Variants in HEY2 observed in about 807,000 individuals in gnomAD.
The protein encoded by HEY2 is hes related family bHLH transcription factor with YRPW motif 2.
HEY2 carries 10 observed loss-of-function variants against 18.1 expected under a neutral mutation model. The ratio of observed to expected loss-of-function variants is 0.55; its 90% CI spans 0.34 to 0.94. HEY2 has a LOEUF of 0.94. Among genes scored for constraint, HEY2 ranks in the 40% least tolerant of loss-of-function variants. HEY2 has a pLI of 0.02. For synonymous variants in HEY2, 210 were observed against 182.7 expected (o/e 1.15, Z -1.21); for missense variants, 455 against 455.9 (o/e 1.00, Z 0.02).
Position 125,750,002 on chromosome 6 carries a change from G to C in HEY2, c.83+143G>C, listed in dbSNP as rs1773508184. 10 of 786,732 alleles carry C rather than the reference G, an allele frequency of 1.3e-5. No individual in the cohort carries two copies. In the South Asian group the frequency reaches 1.5e-4, roughly 12 times the overall value. The allele number at this position is 786,732 out of a possible 1,614,324, so 48.7% of individuals were successfully genotyped here. On this transcript the variant is annotated intron_variant, in intron 1 of 4. Transcript: ENST00000368364. ...AGTTTGGCCTGAGAAAGTTTGAGTG[G>C]TGGGCGCTCGCAGAGCGTGAGTTGG...
intron 4 of HEY2, 118 bp downstream of exon 4, chr6:125,754,664 A>G: frequency 2.1e-6 from 1 of 483,152 alleles, no homozygotes. Context: ...AAGCTGAGAT[A>G]GGAGGCCCCA....
At chr6:125,751,620 A>AAG (rs1773544235) in intron 1 of HEY2, among the ~76,000 whole-genome samples, 181 bp from the exon 2 acceptor site, 1 of 152,228 alleles carries the variant, frequency 6.6e-6, no homozygotes, top group African/African-American at 2.4e-5. Context: ...CGTAATTTTT[A>AAG]CCTGAAAAGA....
At chr6:125,753,793 T>C (rs1773597598) in intron 3 of HEY2, among the ~76,000 whole-genome samples, 1 of 152,206 alleles carries the variant, frequency 6.6e-6, no homozygotes, top group Non-Finnish European at 1.5e-5. Context: ...GCTTCCTAGG[T>C]AAGCAGTAAA....
rs1255802537 is a variant in HEY2, at chr6:125,751,760, T to A, written c.84-41T>A. On this transcript the variant is annotated intron_variant, in intron 1 of 4. Coordinates refer to ENST00000368364, the MANE Select transcript of HEY2 (RefSeq NM_012259.3). ...ACAAGTACCCAGAAGAAACTATTGT[T>A]ATGTTAATGCAGCACCTGACATACT... 30 of 1,325,280 alleles carry A rather than the reference T, an allele frequency of 2.3e-5. No homozygotes were observed. In the East Asian group the frequency reaches 6.9e-4, roughly 30 times the overall value. The allele number at this position is 1,325,280 out of a possible 1,614,324, so 82.1% of individuals were successfully genotyped here. A position where few individuals can be genotyped will look rare whatever the true frequency, so the allele number is the denominator to read the frequency against.
At chr6:125,756,493 G>C (rs1204609396) in intron 4 of HEY2, among the ~76,000 whole-genome samples, 2 of 152,110 alleles carry the variant, frequency 1.3e-5, no homozygotes, top group Admixed American at 6.6e-5. Flanking sequence ...CTTGAACCCG[G>C]GAGGCAGAGG....
chr6:125,757,498 C>A (rs1773686309), intron 4 of HEY2, among the ~76,000 whole-genome samples: 2 of 152,126 alleles, frequency 1.3e-5, no homozygotes, highest in South Asian at 4.1e-4. Context: ...TTGGGAACTT[C>A]CAAATCGTTG....
Position 125,756,017 on chromosome 6 carries a change from A to G in HEY2, c.328+1471A>G, listed in dbSNP as rs1224551600. On this transcript the variant is annotated intron_variant, in intron 4 of 4. Coordinates refer to ENST00000368364, the MANE Select transcript of HEY2 (RefSeq NM_012259.3). ...GTTTGATTGCTTTACTTCCCTTAGC[A>G]TTGTTAGCCACAAGGCTAAGTTTTC... Among the ~76,000 whole-genome samples, 6 of 152,318 alleles carry G rather than the reference A, an allele frequency of 3.9e-5. No homozygotes were observed. The East Asian group carries it at 9.6e-4, about 24-fold the overall frequency.
intron 1 of HEY2, chr6:125,750,205 G>C: frequency 1.0e-6 from 1 of 973,710 alleles, no homozygotes; most frequent in Non-Finnish European, 1.2e-6. Flanking sequence ...GTATTTGGGG[G>C]CACTTTCAAA....
At position 125,754,488 on chromosome 6, in the gene HEY2, T is replaced by C; in HGVS notation, c.270T>C (p.Ala90=). 1 of 1,600,906 alleles carries C rather than the reference T, an allele frequency of 6.2e-7. No homozygotes were observed. The highest frequency in any genetic ancestry group is 8.5e-7 in the Non-Finnish European group (1 of 1,172,352). The change falls in exon 4 of 5, where the codon GCT becomes GCC. Residue 90 remains alanine, a synonymous_variant. Coordinates refer to ENST00000368364, the MANE Select transcript of HEY2 (RefSeq NM_012259.3). ...EKQGSAKLEK[A]EILQMTVDHL... Reference sequence around the variant, plus strand: ...AGGGATCTGCAAAGTTAGAAAAAGCTGAAATATTGCAAATGACAGTGGATC... The same window carrying C: ...AGGGATCTGCAAAGTTAGAAAAAGCCGAAATATTGCAAATGACAGTGGATC...
chr6:125,752,113 TC>T, intron 3 of HEY2, 23 bp downstream of exon 3: 4 of 1,258,312 alleles, frequency 3.2e-6, no homozygotes, highest in Non-Finnish European at 4.2e-6. Flanking sequence ...CTCCCCAGAA[TC>T]CCCCCACCCA....
chr6:125,752,081 T>C lies in HEY2; in HGVS notation c.237T>C (p.Phe79=). 1 of 1,612,058 alleles carries C rather than the reference T, an allele frequency of 6.2e-7. No homozygotes were observed. The highest frequency in any genetic ancestry group is 1.1e-5 in the South Asian group (1 of 91,020). The part of the protein sequence containing the change: ...SELRRLVPTA[F]EKQGSAKLEK... ...TGAGAAGACTTGTGCCAACTGCTTT[T>C]GAAAAACAAGTAAGCTATCCCCTCC... Residue 79 remains phenylalanine (F), a synonymous_variant, in exon 3 of 5, where the codon TTT becomes TTC. Transcript: ENST00000368364.
Position 125,759,646 on chromosome 6 carries a change from C to A in HEY2, c.858C>A (p.Phe286Leu), listed in dbSNP as rs755340292. 6.2e-7 allele frequency: 1 copy of A among 1,611,262 alleles called. No homozygotes were observed. Among genetic ancestry groups the A allele is most frequent in the Non-Finnish European group, 8.5e-7 (1 of 1,179,968 alleles). The change falls in exon 5 of 5, where the codon TTC (phenylalanine) becomes TTA (leucine). Residue 286 changes from phenylalanine (F) to leucine (L), a missense_variant. Phe to Leu is a conservative substitution (Grantham distance 22). Coordinates refer to ENST00000368364, the MANE Select transcript of HEY2 (RefSeq NM_012259.3). ...TCCCTCTGTCCTTCGCGGGGGCATT[C>A]CCCATGCTTCCCCCAAACGCAGCAG... ...HSFPLSFAGA[F>L]PMLPPNAAAA...
At chr6:125,750,591 A>G (rs1773525487) in intron 1 of HEY2, among the ~76,000 whole-genome samples, 1 of 152,248 alleles carries the variant, frequency 6.6e-6, no homozygotes, top group South Asian at 2.1e-4. Context: ...GCTGTCACTC[A>G]AAGAGGGAAA....
intron 1 of HEY2, 48 bp from the exon 2 acceptor site, chr6:125,751,753 C>A: frequency 8.0e-7 from 1 of 1,256,224 alleles, no homozygotes; most frequent in Non-Finnish European, 1.2e-6. Flanking sequence ...CCAGAAGAAA[C>A]TATTGTTATG....
rs1219314712 is a variant in HEY2, at chr6:125,761,187, T to C, written c.*1385T>C. On this transcript the variant is annotated 3_prime_UTR_variant, in exon 5 of 5. Coordinates refer to ENST00000368364, the MANE Select transcript of HEY2 (RefSeq NM_012259.3). ...ATATTTGTTTTGAAATTACTGTACCTAGTCTTTTTTGCATTACTTTGTAAC... is the reference window on the plus strand; with the variant it reads ...ATATTTGTTTTGAAATTACTGTACCCAGTCTTTTTTGCATTACTTTGTAAC... 1 of 152,666 alleles carries C rather than the reference T, an allele frequency of 6.6e-6. No individual in the cohort carries two copies. Among genetic ancestry groups the C allele is most frequent in the African/African-American group, 2.4e-5 (1 of 41,460 alleles). The allele number at this position is 152,666 out of a possible 1,614,324, so 9.5% of individuals were successfully genotyped here.
intron 3 of HEY2, 32 bp downstream of exon 3, chr6:125,752,122 C>G: frequency 1.6e-6 from 2 of 1,246,062 alleles, no homozygotes; most frequent in South Asian, 2.6e-5. Flanking sequence ...ATCCCCCCAC[C>G]CACCCCGCCA....
At chr6:125,753,498 G>A (rs1773592078) in intron 3 of HEY2, among the ~76,000 whole-genome samples, 2 of 151,964 alleles carry the variant, frequency 1.3e-5, no homozygotes, top group South Asian at 2.1e-4. Flanking sequence ...CTCACCGTAC[G>A]TGGTGCTGAT....
chr6:125,750,731 T>G (rs1773528140), intron 1 of HEY2, among the ~76,000 whole-genome samples: 1 of 151,686 alleles, frequency 6.6e-6, no homozygotes, highest in Admixed American at 6.6e-5. Context: ...ATCATTAAAG[T>G]GTTGTTGTGC....
intron 1 of HEY2, chr6:125,750,324 A>G (rs1016548137): frequency 4.4e-5 from 43 of 985,310 alleles, no homozygotes; most frequent in Middle Eastern, 1.0e-3. Context: ...AAGGCTACGT[A>G]GGTTGAACTT....
Sources: gnomAD v4.1 joint callset for allele counts (sites outside exome capture counted in the v4.1 genomes callset) on GRCh38, gnomAD v4.1.1 for gene constraint, MANE v1.5 for transcripts, NCBI Gene and HGNC (gene_info 2026-07-23, HGNC 2026-07-21) for gene names.